CDCP2: variants seen among roughly 807,000 people sequenced by gnomAD.
CDCP2 encodes CUB domain-containing protein 2.
A neutral mutation model predicts 31.0 loss-of-function variants in CDCP2; 31 were observed. The ratio of observed to expected loss-of-function variants is 1.00; its 90% CI spans 0.75 to 1.35. The LOEUF (loss-of-function observed/expected upper bound fraction) is 1.35, where lower values mean the gene tolerates loss of function less well. Ranked by LOEUF, CDCP2 falls within the 40% of genes most tolerant of loss-of-function variation. CDCP2 has a pLI of 0.00. For missense variants in CDCP2, 443 were observed against 482.6 expected (o/e 0.92, Z 0.77); for synonymous variants, 206 against 207.9 (o/e 0.99, Z 0.08).
At chr1:54,144,860 G>T (rs763134392) in intron 1 of CDCP2, 47 bp from the exon 2 acceptor site, 8 of 1,469,550 alleles carry the variant, frequency 5.4e-6, no homozygotes, top group Admixed American at 4.1e-5. Flanking sequence ...TGGGGTCTTG[G>T]GTACATGTGG....
chr1:54,144,913 G>A, intron 1 of CDCP2, 100 bp from the exon 2 acceptor site: 1 of 815,288 alleles, frequency 1.2e-6, no homozygotes, highest in Non-Finnish European at 1.9e-6. Flanking sequence ...TCTTGGGATG[G>A]GATGAGGGAA....
In CDCP2 at chr1:54,145,340, C is replaced by T. The variant is rs550477253; in HGVS notation, c.80-527G>A. ...ACCTGGGAGGCTGAGGCAGGAGAAT[C>T]GCTTGCACCCGGGAGGCGGAGGTTG... On this transcript the variant is annotated intron_variant, in intron 1 of 5. Coordinates refer to ENST00000530059, the Ensembl canonical transcript of CDCP2. Among the ~76,000 whole-genome samples, 170 of 152,232 alleles carry T rather than the reference C, an allele frequency of 1.1e-3. 1 individual carries two copies. Among genetic ancestry groups the T allele is most frequent in the African/African-American group, 3.8e-3 (159 of 41,534 alleles).
exon 3 of CDCP2, chr1:54,141,216 G>A (rs1242614262): frequency 1.2e-6 from 2 of 1,612,772 alleles, no homozygotes; most frequent in East Asian, 4.5e-5. Flanking sequence ...CACAGTAGTG[G>A]TGCCCACGGG....
intron 4 of CDCP2, chr1:54,138,396 G>A (rs1570058998): frequency 6.6e-6 from 1 of 152,290 alleles, no homozygotes; most frequent in African/African-American, 2.4e-5. Context: ...GCCCACTAAG[G>A]CCCGAAGGGG....
intron 5 of CDCP2, among the ~76,000 whole-genome samples, chr1:54,136,166 G>A (rs1317743866): frequency 6.6e-6 from 1 of 152,200 alleles, no homozygotes; most frequent in Non-Finnish European, 1.5e-5. Flanking sequence ...CACCAGGTTG[G>A]GGATGGGTGG....
At chr1:54,139,960 G>A in exon 4 of CDCP2, 1 of 1,614,202 alleles carries the variant, frequency 6.2e-7, no homozygotes, top group Non-Finnish European at 8.5e-7. Context: ...GGCTCCTCCA[G>A]GTCCAGGTCC....
At chr1:54,140,457 G>C (rs936110450) in intron 3 of CDCP2, 3 of 372,310 alleles carry the variant, frequency 8.1e-6, no homozygotes, top group Non-Finnish European at 1.5e-5. Context: ...TTCATGCCTG[G>C]CCTTTCCCCT....
chr1:54,141,237 C>G (rs557423915), exon 3 of CDCP2: 2 of 1,613,592 alleles, frequency 1.2e-6, no homozygotes, highest in Admixed American at 1.7e-5. Context: ...TGGGGCCAGG[C>G]CCCCCAAGCA....
chr1:54,139,911 G>A lies in CDCP2; in HGVS notation c.959C>T (p.Ala320Val), dbSNP rs772473060. 58 of 1,614,048 alleles carry A rather than the reference G, an allele frequency of 3.6e-5. 1 individual carries two copies. The South Asian group carries it at 4.4e-4, about 12-fold the overall frequency. ...CTCCTCGCTGGCCCCATCGAAGGCC[G>A]CCAGATGGTCAAAGTCACAGGTCTT... Residue 320 changes from alanine (A) to valine (V), a missense_variant, in exon 4 of 6, where the codon GCG (alanine) becomes GTG (valine). Ala to Val is a moderately conservative substitution (Grantham distance 64). Transcript: ENST00000530059.
At chr1:54,140,078 C>A in exon 4 of CDCP2, 2 of 1,613,468 alleles carry the variant, frequency 1.2e-6, no homozygotes, top group Non-Finnish European at 1.7e-6. Flanking sequence ...AGTTGCCCCG[C>A]ATGGCCATGT....
chr1:54,134,999 C>A (rs954863760), intron 5 of CDCP2, among the ~76,000 whole-genome samples: 1 of 152,156 alleles, frequency 6.6e-6, no homozygotes, highest in Non-Finnish European at 1.5e-5. Flanking sequence ...TCTATTCCAA[C>A]TTTGGGCTTC....
At position 54,144,170 on chromosome 1, in the gene CDCP2, A is replaced by G. The variant is rs577000322; in HGVS notation, c.427+296T>C. 1.0e-4 allele frequency: 29 copies of G among 281,580 alleles called. No individual in the cohort carries two copies. In the East Asian group the frequency reaches 2.1e-3, roughly 21 times the overall value. 17.4% of individuals were successfully genotyped at this position (281,580 alleles called of 1,614,324 possible). The stretch of plus-strand genomic sequence containing the variant: ...GGGGAGCATTGCCATGAAGGTGGGA[A>G]CCCCAGCTACAAGCATGGTCATGAA... On this transcript the variant is annotated intron_variant, in intron 2 of 5. Transcript: ENST00000530059.
At chr1:54,149,358 T>C (rs922901963) in intron 1 of CDCP2, among the ~76,000 whole-genome samples, 2 of 151,920 alleles carry the variant, frequency 1.3e-5, no homozygotes, top group South Asian at 2.1e-4. Flanking sequence ...ATATGGCATC[T>C]GAGATAGGCT....
exon 5 of CDCP2, chr1:54,136,653 C>A: frequency 2.5e-6 from 1 of 399,162 alleles, no homozygotes; most frequent in South Asian, 1.3e-4. Flanking sequence ...CCGCAGGTAT[C>A]AAAGCGGGCC....
rs12080426 is a variant in CDCP2, at chr1:54,152,336, T to C, written c.79+508A>G. Among the ~76,000 whole-genome samples, 993 of 152,132 alleles carry C rather than the reference T, an allele frequency of 6.5e-3. 9 individuals are homozygous for C. Among genetic ancestry groups the C allele is most frequent in the African/African-American group, 0.023 (948 of 41,498 alleles). On this transcript the variant is annotated intron_variant, in intron 1 of 5. Coordinates refer to ENST00000530059, the Ensembl canonical transcript of CDCP2. Reference sequence around the variant, plus strand: ...AAAATTAGCTGGTCGTGGTGGCACATGCCTGTAATCCCTGCTACTCGAGAG... The same window carrying C: ...AAAATTAGCTGGTCGTGGTGGCACACGCCTGTAATCCCTGCTACTCGAGAG...
exon 4 of CDCP2, chr1:54,139,841 G>A (rs745771133): frequency 1.5e-5 from 24 of 1,613,970 alleles, no homozygotes; most frequent in East Asian, 4.5e-5. Flanking sequence ...TTGAGGTCAC[G>A]GGTGGTGGCA....
chr1:54,139,409 A>G, intron 4 of CDCP2: 1 of 848,968 alleles, frequency 1.2e-6, no homozygotes, highest in Non-Finnish European at 1.8e-6. Flanking sequence ...CATAAACAAT[A>G]TTACCATATT....
At chr1:54,132,847 G>T (rs1270140447), downstream of CDCP2, 11 of 397,512 alleles carry the variant, frequency 2.8e-5, no homozygotes, top group Non-Finnish European at 4.4e-5. Context: ...GGAAATGGAG[G>T]CTCAGAGAGG....
At chr1:54,140,787 G>T in intron 3 of CDCP2, 1 of 276,312 alleles carries the variant, frequency 3.6e-6, no homozygotes, top group South Asian at 1.2e-4. Context: ...AAGCCCATAA[G>T]GGACTCAGTC....
Sources: allele counts gnomAD v4.1 joint callset (sites outside exome capture counted in the v4.1 genomes callset), GRCh38; gene constraint gnomAD v4.1.1; transcripts MANE v1.5; gene names NCBI Gene and HGNC (gene_info 2026-07-23, HGNC 2026-07-21).